NCOR2: variants seen among roughly 807,000 people sequenced by gnomAD.
The protein encoded by NCOR2 is nuclear receptor corepressor 2.
In NCOR2, 81 loss-of-function variants were observed where a neutral mutation model predicts 262.9. The observed-to-expected ratio is 0.31, with a 90% CI of 0.26 to 0.37. NCOR2 has a LOEUF of 0.37. Ranked by LOEUF, NCOR2 falls within the 10% of genes least tolerant of loss-of-function variation. The pLI is 1.00. For missense variants in NCOR2, 3,385 were observed against 3,621.4 expected (o/e 0.93, Z 1.68); for synonymous variants, 1,659 against 1,559.3 (o/e 1.06, Z -1.51).
At chr12:124,447,804 C>T (rs2045277908) in intron 7 of NCOR2, among the ~76,000 whole-genome samples, 1 of 151,714 alleles carries the variant, frequency 6.6e-6, no homozygotes, top group Non-Finnish European at 1.5e-5. Context: ...TCAAGCGATT[C>T]TCCCTCCTTC....
exon 13 of NCOR2, chr12:124,420,034 A>G: frequency 1.2e-6 from 2 of 1,613,374 alleles, no homozygotes; most frequent in East Asian, 2.2e-5. Flanking sequence ...AGGTAGTAAT[A>G]GAGGACGCAC....
At chr12:124,558,272 C>CT (rs958096062) in intron 1 of NCOR2, among the ~76,000 whole-genome samples, 1 of 151,442 alleles carries the variant, frequency 6.6e-6, no homozygotes, top group Non-Finnish European at 1.5e-5. Flanking sequence ...ACCCACCCCC[C>CT]CTCCAGACCT....
In NCOR2 at chr12:124,483,781, A is replaced by T; in HGVS notation, c.234-8T>A. The T allele has an allele frequency of 6.3e-7, 1 of 1,588,950 alleles. No homozygotes were observed. Among genetic ancestry groups the T allele is most frequent in the East Asian group, 2.3e-5 (1 of 44,216 alleles). On this transcript the variant is annotated splice_polypyrimidine_tract_variant and splice_region_variant and intron_variant, in intron 2 of 46. Transcript: ENST00000405201. This position sits in a 1 kb window ranked among gnomAD's most constrained non-coding sequence, Gnocchi z 6.3. ...AGGTGGAGCTCCTGGGACCTGCAGGAGGTGAGGCATCCAACGTCACATAGG... is the reference window on the plus strand; with the variant it reads ...AGGTGGAGCTCCTGGGACCTGCAGGTGGTGAGGCATCCAACGTCACATAGG...
rs563150713 is a variant in NCOR2, at chr12:124,457,214, A to T, written c.706-52T>A. ...ATTTTTTTAAAAAACAAAAAAACAC[A>T]GATTATAAATAGAGGCTTCCCGGAG... On this transcript the variant is annotated intron_variant, in intron 5 of 46. Transcript: ENST00000405201. The surrounding 1 kb of genome is among the most constrained non-coding windows in gnomAD (Gnocchi z 4.0). The T allele has an allele frequency of 6.6e-7, 1 of 1,520,432 alleles. No homozygotes were observed. Among genetic ancestry groups the T allele is most frequent in the Non-Finnish European group, 8.8e-7 (1 of 1,139,366 alleles). 94.2% of individuals were successfully genotyped at this position (1,520,432 alleles called of 1,614,324 possible).
chr12:124,505,252 C>G (rs950692966), intron 1 of NCOR2, among the ~76,000 whole-genome samples: 29 of 152,368 alleles, frequency 1.9e-4, no homozygotes, highest in Admixed American at 1.4e-3. Context: ...CCTGCCTCTA[C>G]TGGCACCTCC....
At chr12:124,333,138 C>T (rs200870188) in exon 42 of NCOR2, 46 of 1,606,186 alleles carry the variant, frequency 2.9e-5, no homozygotes, top group African/African-American at 5.3e-5. Flanking sequence ...ACCTGGGCTC[C>T]GTCTGTTCCC....
chr12:124,472,807 C>T (rs902797882), intron 4 of NCOR2, 145 bp downstream of exon 6: 2 of 1,031,390 alleles, frequency 1.9e-6, no homozygotes, highest in Admixed American at 2.0e-5. Flanking sequence ...TGGATGTGCT[C>T]CTGTCCAATA....
intron 16 of NCOR2, among the ~76,000 whole-genome samples, chr12:124,392,508 G>C (rs945623430): frequency 2.0e-5 from 3 of 152,076 alleles, no homozygotes; most frequent in Non-Finnish European, 1.5e-5. Context: ...CACACAGCTC[G>C]AGTGTCGCCT....
At chr12:124,521,636 G>C (rs1326345644) in intron 1 of NCOR2, among the ~76,000 whole-genome samples, 1 of 152,202 alleles carries the variant, frequency 6.6e-6, no homozygotes, top group Non-Finnish European at 1.5e-5. Context: ...ACCGGTACAG[G>C]GTTCCTTTTG....
At chr12:124,554,547 A>C (rs2051821920) in intron 1 of NCOR2, among the ~76,000 whole-genome samples, 1 of 152,192 alleles carries the variant, frequency 6.6e-6, no homozygotes, top group Admixed American at 6.5e-5. Context: ...CGCACCTCCA[A>C]GCACCCCCAG....
rs2036303944 is a variant in NCOR2, at chr12:124,339,902, C to T, written c.5687+104G>A. 1.1e-5 allele frequency: 8 copies of T among 696,284 alleles called. 3 individuals are homozygous for T. Among genetic ancestry groups the T allele is most frequent in the Non-Finnish European group, 1.4e-5 (6 of 436,856 alleles). 43.1% of individuals were successfully genotyped at this position (696,284 alleles called of 1,614,324 possible). On this transcript the variant is annotated intron_variant, in intron 37 of 46. Coordinates refer to ENST00000405201, the Ensembl canonical transcript of NCOR2. ...CTACCCCCACACATCTGCCCACCCA[C>T]CCACCTCCCATATACCTCCCACCAA...
chr12:124,433,865 C>A (rs987196423), intron 8 of NCOR2, among the ~76,000 whole-genome samples: 2 of 58,252 alleles, frequency 3.4e-5, no homozygotes, highest in South Asian at 1.3e-3. Context: ...CACACACACA[C>A]ACACACACAC....
At chr12:124,546,503 C>G (rs1340027789) in intron 1 of NCOR2, among the ~76,000 whole-genome samples, 2 of 152,250 alleles carry the variant, frequency 1.3e-5, no homozygotes, top group African/African-American at 4.8e-5. Context: ...CCGCCTCCAC[C>G]TCCTGGGTTC....
intron 1 of NCOR2, among the ~76,000 whole-genome samples, chr12:124,494,181 G>A (rs2048250078): frequency 6.6e-6 from 1 of 152,120 alleles, no homozygotes; most frequent in East Asian, 1.9e-4. Flanking sequence ...CTTCCTTTCT[G>A]GTTCTCACAA....
At chr12:124,388,579 A>T in intron 16 of NCOR2, 1 of 1,184,324 alleles carries the variant, frequency 8.4e-7, no homozygotes, top group Admixed American at 2.4e-5. Context: ...AGGGGCCCAG[A>T]ACTCCGACTC....
At chr12:124,494,834 C>T (rs530978081) in intron 1 of NCOR2, among the ~76,000 whole-genome samples, 1 of 152,228 alleles carries the variant, frequency 6.6e-6, no homozygotes, top group Non-Finnish European at 1.5e-5. Context: ...GGCTAGGCTG[C>T]AGGAAAGTGA....
Position 124,462,950 on chromosome 12 carries a change from C to T in NCOR2, c.705+3223G>A, listed in dbSNP as rs138982476. Among the ~76,000 whole-genome samples, 138 of 152,278 alleles carry T rather than the reference C, an allele frequency of 9.1e-4. 2 individuals are homozygous for T. The East Asian group carries it at 0.016, about 18-fold the overall frequency. On this transcript the variant is annotated intron_variant, in intron 5 of 46. Coordinates refer to ENST00000405201, the Ensembl canonical transcript of NCOR2. Reference sequence around the variant, plus strand: ...CGCATTACTCAGCAACTGGGGTTGCCGCTTCCATCAATCCTGCCTCCTCTC... The same window carrying T: ...CGCATTACTCAGCAACTGGGGTTGCTGCTTCCATCAATCCTGCCTCCTCTC...
Position 124,483,776 on chromosome 12 carries a change from G to T in NCOR2, c.234-3C>A. 6.3e-7 allele frequency: 1 copy of T among 1,592,526 alleles called. No homozygotes were observed. The highest frequency in any genetic ancestry group is 1.1e-5 in the South Asian group (1 of 88,112). ...GCCGCAGGTGGAGCTCCTGGGACCTGCAGGAGGTGAGGCATCCAACGTCAC... is the reference window on the plus strand; with the variant it reads ...GCCGCAGGTGGAGCTCCTGGGACCTTCAGGAGGTGAGGCATCCAACGTCAC... On this transcript the variant is annotated splice_polypyrimidine_tract_variant and splice_region_variant and intron_variant, in intron 2 of 46. Transcript: ENST00000405201. The surrounding 1 kb of genome is among the most constrained non-coding windows in gnomAD (Gnocchi z 6.3).
intron 16 of NCOR2, among the ~76,000 whole-genome samples, chr12:124,391,373 C>A (rs1003344109): frequency 1.3e-5 from 2 of 152,196 alleles, no homozygotes; most frequent in African/African-American, 4.8e-5. Flanking sequence ...CACCGCCCCC[C>A]ACCTGCCATT....
Sources: allele counts gnomAD v4.1 joint callset (sites outside exome capture counted in the v4.1 genomes callset), GRCh38; gene constraint gnomAD v4.1.1; non-coding constraint Gnocchi (gnomAD v3.1); transcripts MANE v1.5; gene names NCBI Gene and HGNC (gene_info 2026-07-23, HGNC 2026-07-21).